PHIP: variants seen among roughly 807,000 people sequenced by gnomAD.
The protein encoded by PHIP is PH-interacting protein.
PHIP carries 54 observed loss-of-function variants against 236.8 expected under a neutral mutation model. The ratio of observed to expected loss-of-function variants is 0.23; its 90% CI spans 0.18 to 0.29. The LOEUF is 0.29. Ranked by LOEUF, PHIP falls within the 10% of genes least tolerant of loss-of-function variation. The pLI is 1.00. For missense variants in PHIP, 1,370 were observed against 2,190.8 expected, an observed-to-expected ratio of 0.63 and a Z score of 7.48; for synonymous variants, 756 against 718.9, an observed-to-expected ratio of 1.05 and a Z score of -0.83.
intron 19 of PHIP, among the ~76,000 whole-genome samples, chr6:78,996,804 C>T (rs1769643652): frequency 6.6e-6 from 1 of 152,122 alleles, no homozygotes; most frequent in Non-Finnish European, 1.5e-5. Flanking sequence ...GAACACACTT[C>T]ATACACAGAA....
chr6:79,028,117 G>C (rs1184802540), intron 7 of PHIP, among the ~76,000 whole-genome samples: 1 of 152,104 alleles, frequency 6.6e-6, no homozygotes, highest in East Asian at 1.9e-4. Flanking sequence ...AACAATGTGA[G>C]TAGTTCATAG....
At chr6:79,028,632 T>C (rs559730720) in intron 7 of PHIP, among the ~76,000 whole-genome samples, 85 of 152,344 alleles carry the variant, frequency 5.6e-4, no homozygotes, top group African/African-American at 1.4e-3. Context: ...ATTTCACAAA[T>C]TGAATCAACA....
chr6:78,958,695 G>T, intron 31 of PHIP, 95 bp from the exon 32 acceptor site: 1 of 764,628 alleles, frequency 1.3e-6, no homozygotes, highest in Non-Finnish European at 2.3e-6. Context: ...TTCAACTTCA[G>T]TCTAAACCAA....
At chr6:79,018,015 G>A (rs1390871494) in intron 10 of PHIP, among the ~76,000 whole-genome samples, 1 of 151,816 alleles carries the variant, frequency 6.6e-6, no homozygotes, top group Non-Finnish European at 1.5e-5. Flanking sequence ...AAATGAGGCT[G>A]CTCTCTTCAG....
At chr6:78,974,271 T>C (rs544041635) in intron 24 of PHIP, among the ~76,000 whole-genome samples, 1 of 152,030 alleles carries the variant, frequency 6.6e-6, no homozygotes, top group Non-Finnish European at 1.5e-5. Context: ...TGCTCCTGAA[T>C]GACTACTGGG....
intron 33 of PHIP, 102 bp from the exon 34 acceptor site, chr6:78,955,384 G>A (rs1766345060): frequency 3.6e-6 from 3 of 844,818 alleles, no homozygotes. Context: ...TGGAACACCT[G>A]TAATGTATAT....
chr6:78,971,613 G>T (rs1471534534), intron 24 of PHIP, among the ~76,000 whole-genome samples: 1 of 152,152 alleles, frequency 6.6e-6, no homozygotes, highest in Non-Finnish European at 1.5e-5. Context: ...TCCATCTGAG[G>T]TAACGGGTTC....
At chr6:79,061,246 A>G (rs1773360250) in intron 4 of PHIP, among the ~76,000 whole-genome samples, 1 of 152,194 alleles carries the variant, frequency 6.6e-6, no homozygotes, top group South Asian at 2.1e-4. Flanking sequence ...TATCTAAATA[A>G]AATTATATTG....
intron 7 of PHIP, among the ~76,000 whole-genome samples, chr6:79,030,203 A>T (rs1011191054): frequency 6.6e-6 from 1 of 152,196 alleles, no homozygotes; most frequent in African/African-American, 2.4e-5. Flanking sequence ...CAAGCGAATG[A>T]ACTAAAAAAG....
chr6:78,978,982 A>C (rs1447709116), intron 23 of PHIP, among the ~76,000 whole-genome samples: 5 of 152,116 alleles, frequency 3.3e-5, no homozygotes, highest in African/African-American at 1.2e-4. Context: ...GAATCCACAC[A>C]AATAAAATGA....
chr6:79,035,390 C>T (rs10943613), intron 7 of PHIP, among the ~76,000 whole-genome samples: 74,727 of 151,826 alleles, frequency 0.49, 18,986 homozygotes, highest in East Asian at 0.69. Context: ...GAAAACTGTA[C>T]ACATTGGGAA....
chr6:79,039,526 T>C (rs1311688854), intron 7 of PHIP, among the ~76,000 whole-genome samples: 1 of 152,166 alleles, frequency 6.6e-6, no homozygotes, highest in Non-Finnish European at 1.5e-5. Flanking sequence ...ATTGTTTGTT[T>C]ACCATCTGTG....
chr6:79,062,330 T>A (rs1773419528), intron 4 of PHIP, among the ~76,000 whole-genome samples: 1 of 152,134 alleles, frequency 6.6e-6, no homozygotes, highest in Non-Finnish European at 1.5e-5. Context: ...ATTAGCTAAA[T>A]TAAAAAGCAT....
chr6:78,974,467 C>T (rs1024295894), intron 24 of PHIP, among the ~76,000 whole-genome samples: 3 of 151,560 alleles, frequency 2.0e-5, no homozygotes, highest in African/African-American at 7.3e-5. Flanking sequence ...ATTAAAAGAA[C>T]TAGAAAAGCA....
In PHIP at chr6:78,946,028, T is replaced by G. The variant is rs1381682467; in HGVS notation, c.4603A>C (p.Asn1535His). 1 of 1,609,582 alleles carries G rather than the reference T, an allele frequency of 6.2e-7. No individual in the cohort carries two copies. The highest frequency in any genetic ancestry group is 8.5e-7 in the Non-Finnish European group (1 of 1,175,898). ...SAAKTFITKA[N>H]ASAIPGKTIL... The stretch of plus-strand genomic sequence containing the variant: ...GTTTTCCCTGGTATTGCAGATGCAT[T>G]AGCTTTTGTAATAAAAGTCTTTGCA... Residue 1535 changes from asparagine (N) to histidine (H), a missense_variant, in exon 38 of 40, where the codon AAT becomes CAT. By Grantham distance (68) the Asn-to-His change is moderately conservative (BLOSUM62 1). Coordinates refer to ENST00000275034, the MANE Select transcript of PHIP (RefSeq NM_017934.7).
chr6:78,982,862 A>G (rs1421842268), intron 23 of PHIP, 24 bp downstream of exon 23: 2 of 1,430,914 alleles, frequency 1.4e-6, no homozygotes, highest in Non-Finnish European at 1.9e-6. Context: ...GAAAACACCA[A>G]ATTTGTAATG....
chr6:79,020,804 T>C (rs2127744579), intron 9 of PHIP, among the ~76,000 whole-genome samples: 1 of 152,360 alleles, frequency 6.6e-6, no homozygotes, highest in Middle Eastern at 3.4e-3. Context: ...AATGGCACAA[T>C]CTCAGCTCAC....
intron 4 of PHIP, among the ~76,000 whole-genome samples, chr6:79,071,025 C>T (rs2127780069): frequency 6.6e-6 from 1 of 152,292 alleles, no homozygotes; most frequent in Middle Eastern, 3.4e-3. Context: ...CTATACCACA[C>T]ATCTCATTCT....
intron 23 of PHIP, 88 bp downstream of exon 23, chr6:78,982,795 TCAA>T: frequency 1.3e-6 from 1 of 764,998 alleles, no homozygotes; most frequent in Non-Finnish European, 2.1e-6. Context: ...CTGATACACT[TCAA>T]CAATGTTTGT....
Sources: gnomAD v4.1 joint callset for allele counts (sites outside exome capture counted in the v4.1 genomes callset) on GRCh38, gnomAD v4.1.1 for gene constraint, MANE v1.5 for transcripts, NCBI Gene and HGNC (gene_info 2026-07-23, HGNC 2026-07-21) for gene names.